PTPRQ: variants seen among roughly 807,000 people sequenced by gnomAD.
The protein encoded by PTPRQ is protein tyrosine phosphatase receptor type Q.
A neutral mutation model predicts 246.0 loss-of-function variants in PTPRQ; 199 were observed. The observed-to-expected ratio is 0.81, with a 90% CI of 0.72 to 0.91. The LOEUF (loss-of-function observed/expected upper bound fraction) is 0.91, where lower values mean the gene tolerates loss of function less well. Among genes scored for constraint, PTPRQ ranks in the 40% least tolerant of loss-of-function variants. The pLI, the probability that PTPRQ is intolerant of heterozygous loss-of-function variation, is 0.00. For synonymous variants in PTPRQ, 869 were observed against 853.2 expected (o/e 1.02, Z -0.32); for missense variants, 2,624 against 2,528.4 (o/e 1.04, Z -0.81).
chr12:80,505,965 A>G (rs1894944013), intron 14 of PTPRQ, 59 bp from the exon 15 acceptor site: 1 of 1,497,886 alleles, frequency 6.7e-7, no homozygotes, highest in Non-Finnish European at 8.9e-7. Context: ...TGACAATTTC[A>G]GCAGAATAGA....
chr12:80,542,684 G>A, intron 22 of PTPRQ, 46 bp from the exon 23 acceptor site: 1 of 1,508,376 alleles, frequency 6.6e-7, no homozygotes, highest in Non-Finnish European at 8.8e-7. Context: ...CTATTTTTAT[G>A]TTAAAAGTTT....
Position 80,496,058 on chromosome 12 carries a change from A to G in PTPRQ, c.1942A>G (p.Ser648Gly). The change falls in exon 13 of 45, where the codon AGT becomes GGT. Residue 648 changes from serine (S) to glycine (G), a missense_variant. Transcript: ENST00000644991. ...GGCAGCCTCAACCCACGTTGGAGAAAGTTCTTTGTCTGAAGAAAATGACAT... is the reference window on the plus strand; with the variant it reads ...GGCAGCCTCAACCCACGTTGGAGAAGGTTCTTTGTCTGAAGAAAATGACAT... The part of the protein sequence containing the change: ...RVAASTHVGE[S>G]SLSEENDIFV... 1.9e-6 allele frequency: 3 copies of G among 1,550,066 alleles called. No homozygotes were observed. Among genetic ancestry groups the G allele is most frequent in the Non-Finnish European group, 2.6e-6 (3 of 1,146,276 alleles).
chr12:80,458,078 T>A (rs937271423), intron 4 of PTPRQ, among the ~76,000 whole-genome samples: 1 of 152,060 alleles, frequency 6.6e-6, no homozygotes, highest in African/African-American at 2.4e-5. Context: ...AACATAAGAC[T>A]TTTGGAAACA....
intron 25 of PTPRQ, among the ~76,000 whole-genome samples, chr12:80,585,290 T>C (rs1173855274): frequency 2.0e-5 from 3 of 152,160 alleles, no homozygotes; most frequent in Non-Finnish European, 2.9e-5. Context: ...TTTATTCCTC[T>C]CTTTCTCTGA....
intron 25 of PTPRQ, among the ~76,000 whole-genome samples, chr12:80,582,016 C>T (rs962698981): frequency 3.9e-5 from 6 of 152,110 alleles, no homozygotes; most frequent in Non-Finnish European, 8.8e-5. Flanking sequence ...TACAAATATG[C>T]ATATGTTTTA....
chr12:80,542,658 A>AAAGT, intron 22 of PTPRQ, 72 bp from the exon 23 acceptor site: 1 of 1,461,674 alleles, frequency 6.8e-7, no homozygotes. Flanking sequence ...TGTCTTCAAG[A>AAAGT]AAGTAAGTCA....
At chr12:80,606,566 A>C (rs1898329208) in intron 27 of PTPRQ, among the ~76,000 whole-genome samples, 1 of 150,956 alleles carries the variant, frequency 6.6e-6, no homozygotes, top group South Asian at 2.1e-4. Context: ...TGATGAACAC[A>C]GTTTTCTAAT....
chr12:80,616,079 T>A lies in PTPRQ; in HGVS notation c.5164-121T>A, dbSNP rs566385534. 926 of 475,366 alleles carry A rather than the reference T, an allele frequency of 1.9e-3. 9 individuals carry two copies. Among genetic ancestry groups the A allele is most frequent in the African/African-American group, 0.017 (768 of 44,188 alleles). The allele number at this position is 475,366 out of a possible 1,614,324, so 29.4% of individuals were successfully genotyped here. Reference sequence around the variant, plus strand: ...AAATTACATGTAACCATAATCAGTTTTATATATATATATATAACTATATAT... The same window carrying A: ...AAATTACATGTAACCATAATCAGTTATATATATATATATATAACTATATAT... On this transcript the variant is annotated intron_variant, in intron 29 of 44. Transcript: ENST00000644991.
intron 6 of PTPRQ, chr12:80,462,784 C>T (rs1276714414): frequency 2.1e-5 from 3 of 144,272 alleles, no homozygotes; most frequent in Non-Finnish European, 3.0e-5. Flanking sequence ...TAGCAAACTC[C>T]AACAGACCTG....
chr12:80,480,953 GA>G (rs1331098134), intron 8 of PTPRQ, among the ~76,000 whole-genome samples: 1 of 152,080 alleles, frequency 6.6e-6, no homozygotes, highest in African/African-American at 2.4e-5. Flanking sequence ...GTACAAGGAG[GA>G]ACTGGTACCA....
At chr12:80,550,193 A>G (rs540793620) in intron 25 of PTPRQ, among the ~76,000 whole-genome samples, 1 of 152,080 alleles carries the variant, frequency 6.6e-6, no homozygotes, top group South Asian at 2.1e-4. Flanking sequence ...TATTTGAATA[A>G]AATATCCGGG....
chr12:80,463,922 T>C (rs1294480430), intron 6 of PTPRQ, among the ~76,000 whole-genome samples: 3 of 151,190 alleles, frequency 2.0e-5, no homozygotes, highest in African/African-American at 4.9e-5. Context: ...CATGCCAAAA[T>C]GTAAAGACCA....
intron 39 of PTPRQ, among the ~76,000 whole-genome samples, chr12:80,666,913 A>G (rs114046119): frequency 6.6e-6 from 1 of 151,932 alleles, no homozygotes; most frequent in Non-Finnish European, 1.5e-5. Flanking sequence ...CTGAATTGTT[A>G]CAATAACCCT....
At chr12:80,592,572 A>G (rs910725205) in intron 26 of PTPRQ, among the ~76,000 whole-genome samples, 1 of 152,214 alleles carries the variant, frequency 6.6e-6, no homozygotes, top group Non-Finnish European at 1.5e-5. Flanking sequence ...TTGAAGAGCA[A>G]TAATCCTTTT....
intron 21 of PTPRQ, 117 bp downstream of exon 21, chr12:80,541,962 C>G (rs887310137): frequency 6.2e-6 from 9 of 1,454,330 alleles, no homozygotes; most frequent in Non-Finnish European, 8.2e-6. Context: ...AAGTAATTAG[C>G]CTTTCAATAA....
At chr12:80,661,618 A>G (rs12371598) in intron 39 of PTPRQ, among the ~76,000 whole-genome samples, 25,341 of 151,598 alleles carry the variant, frequency 0.17, 2,849 homozygotes, top group Non-Finnish European at 0.24. Context: ...TCTTTAGCAT[A>G]ATAAAGCAAT....
intron 3 of PTPRQ, among the ~76,000 whole-genome samples, chr12:80,451,100 G>T (rs996749404): frequency 2.6e-5 from 4 of 152,296 alleles, no homozygotes; most frequent in Admixed American, 6.5e-5. Flanking sequence ...TCCTGGTTTA[G>T]TCTTGGGAGG....
chr12:80,561,427 T>C (rs1027155072), intron 25 of PTPRQ: 1 of 152,354 alleles, frequency 6.6e-6, no homozygotes, highest in Non-Finnish European at 1.5e-5. Flanking sequence ...AGGGTGTATA[T>C]CTGAAGCAGA....
rs1236332529 is a variant in PTPRQ, at chr12:80,542,116, CTT to C, written c.3476_3477del (p.Phe1159Ter). 3 of 1,549,254 alleles carry C rather than the reference CTT, an allele frequency of 1.9e-6. No individual in the cohort carries two copies. In the Admixed American group the frequency reaches 5.9e-5, roughly 31 times the overall value. ...CCAGAAACTTCACCAATAATCAACACTTTTAAAAACCTTTCCTCTACCTCAGT... is the reference window on the plus strand; with the variant it reads ...CCAGAAACTTCACCAATAATCAACACTTAAAAACCTTTCCTCTACCTCAGT... On this transcript the variant is annotated frameshift_variant, in exon 22 of 45. Transcript: ENST00000644991. LOFTEE classifies it high-confidence loss of function.
Sources: gnomAD v4.1 joint callset for allele counts (sites outside exome capture counted in the v4.1 genomes callset) on GRCh38, gnomAD v4.1.1 for gene constraint, MANE v1.5 for transcripts, NCBI Gene and HGNC (gene_info 2026-07-23, HGNC 2026-07-21) for gene names.